The following SCYL1 variants were observed in gnomAD, a reference collection of about 807,000 sequenced individuals.
SCYL1 encodes SCY1 like pseudokinase 1.
A neutral mutation model predicts 94.8 loss-of-function variants in SCYL1; 85 were observed. The ratio of observed to expected loss-of-function variants is 0.90; its 90% CI spans 0.75 to 1.07. SCYL1 has a LOEUF of 1.07. SCYL1 is among the 50% of genes least tolerant of loss of function. The pLI is 0.00. For missense variants in SCYL1, 968 were observed against 1,083.3 expected (o/e 0.89, Z 1.49); for synonymous variants, 459 against 435.5 (o/e 1.05, Z -0.67).
chr11:65,536,267 G>A lies in SCYL1; in HGVS notation c.1584G>A (p.Lys528=), dbSNP rs779399742. 2 of 1,614,096 alleles carry A rather than the reference G, an allele frequency of 1.2e-6. No individual in the cohort carries two copies. Among genetic ancestry groups the A allele is most frequent in the South Asian group, 1.1e-5 (1 of 91,090 alleles). ...GCCTCGTTACCCCACAGGCCTTCAA[G>A]GCCATTCGGAGCTTCCTGTCCAAAT... The part of the protein sequence containing the change: ...PEKSVRDQAF[K]AIRSFLSKLE... Residue 528 remains lysine (K), a synonymous_variant, in exon 12 of 18, where the codon AAG becomes AAA. Transcript: ENST00000270176.
At chr11:65,534,080 A>G (rs551975135) in intron 9 of SCYL1, among the ~76,000 whole-genome samples, 1 of 151,462 alleles carries the variant, frequency 6.6e-6, no homozygotes, top group African/African-American at 2.4e-5. Flanking sequence ...TACAAAAACA[A>G]TCTAGCCGGG....
rs1318386049 is a variant in SCYL1 at position 65,525,302 on chromosome 11, G to A, written c.111+38G>A. 2.2e-6 allele frequency: 3 copies of A among 1,347,306 alleles called. No homozygotes were observed. The African/African-American group carries it at 4.7e-5, about 21-fold the overall frequency. 83.5% of individuals were successfully genotyped at this position (1,347,306 alleles called of 1,614,324 possible). ...GAGCTCCGTAGGCCGCGGTCGACCT[G>A]GGCCTTGCCTATTCCGCGCCGCCGA... On this transcript the variant is annotated intron_variant, in intron 1 of 17. Coordinates refer to ENST00000270176, the MANE Select transcript of SCYL1 (RefSeq NM_020680.4).
chr11:65,537,219 T>TGGCCTGTCCTC, intron 14 of SCYL1, 91 bp downstream of exon 14: 1 of 1,423,134 alleles, frequency 7.0e-7, no homozygotes, highest in South Asian at 1.2e-5. Context: ...TGGCTGGAGT[T>TGGCCTGTCCTC]GGCCTGTCCT....
chr11:65,527,726 C>T (rs925769194), intron 6 of SCYL1, among the ~76,000 whole-genome samples: 3 of 117,546 alleles, frequency 2.6e-5, no homozygotes, highest in Admixed American at 1.9e-4. Context: ...TGTGAGACTT[C>T]GTCTCAAAAA....
chr11:65,533,848 C>G (rs142741689), intron 9 of SCYL1, among the ~76,000 whole-genome samples: 2 of 151,708 alleles, frequency 1.3e-5, no homozygotes, highest in Admixed American at 1.3e-4. Context: ...TTTGGGAGGC[C>G]GAGGCGGGTG....
chr11:65,525,373 G>C, intron 1 of SCYL1, 109 bp downstream of exon 1: 3 of 1,080,034 alleles, frequency 2.8e-6, no homozygotes, highest in Non-Finnish European at 3.8e-6. Context: ...GAACCAAGGG[G>C]TAGCAGGCCG....
chr11:65,526,364 G>A lies in SCYL1; in HGVS notation c.602+14G>A, dbSNP rs1453761208. The A allele has an allele frequency of 6.3e-7, 1 of 1,575,426 alleles. No individual in the cohort carries two copies. Among genetic ancestry groups the A allele is most frequent in the Admixed American group, 1.7e-5 (1 of 57,944 alleles). On this transcript the variant is annotated intron_variant, in intron 4 of 17. Coordinates refer to ENST00000270176, the MANE Select transcript of SCYL1 (RefSeq NM_020680.4). This position sits in a 1 kb window ranked among gnomAD's most constrained non-coding sequence, Gnocchi z 4.1. ...CAGAGAGAAGTGGTGGGTGACTGGG[G>A]GCAGCGCGCCCCAACCTGCCCTGTC...
In SCYL1 at chr11:65,535,943, C is replaced by G. The variant is rs938428626; in HGVS notation, c.1387-10C>G. Reference sequence around the variant, plus strand: ...TACACTCAGGAGCCCTCTTTCCTGCCCCATCGTAGACCAGACACAGGGTCC... The same window carrying G: ...TACACTCAGGAGCCCTCTTTCCTGCGCCATCGTAGACCAGACACAGGGTCC... On this transcript the variant is annotated splice_polypyrimidine_tract_variant and intron_variant, in intron 10 of 17. Coordinates refer to ENST00000270176, the MANE Select transcript of SCYL1 (RefSeq NM_020680.4). The G allele has an allele frequency of 6.4e-7, 1 of 1,564,276 alleles. No homozygotes were observed.
chr11:65,527,268 A>G (rs1431261172), intron 6 of SCYL1, 151 bp downstream of exon 6: 1 of 802,184 alleles, frequency 1.2e-6, no homozygotes, highest in Non-Finnish European at 2.0e-6. Context: ...TCCAGCTCAT[A>G]CTTACTCTGT....
In SCYL1 at chr11:65,531,657, G is replaced by A; in HGVS notation, c.1090G>A (p.Ala364Thr). ...VVKMFSSTDRAMRIRLLQQME... is the reference protein window; with the variant it reads ...VVKMFSSTDRTMRIRLLQQME... ...CAAGATGTTCTCATCCACTGACCGG[G>A]CCATGCGCATCCGCCTCCTGCAGCA... Residue 364 changes from alanine (A) to threonine (T), a missense_variant, in exon 8 of 18, where the codon GCC becomes ACC. By Grantham distance (58) the Ala-to-Thr change is moderately conservative (BLOSUM62 0). Transcript: ENST00000270176. 16 of 1,613,748 alleles carry A rather than the reference G, an allele frequency of 9.9e-6. No homozygotes were observed. Among genetic ancestry groups the A allele is most frequent in the Non-Finnish European group, 1.4e-5 (16 of 1,179,752 alleles).
chr11:65,536,494 G>A (rs1481184659), intron 12 of SCYL1, 92 bp from the exon 13 acceptor site: 6 of 1,471,984 alleles, frequency 4.1e-6, no homozygotes, highest in Middle Eastern at 1.9e-4. Flanking sequence ...AGAAAGGAGG[G>A]GTGGCTGCAG....
intron 12 of SCYL1, 21 bp from the exon 13 acceptor site, chr11:65,536,565 C>G (rs1334099036): frequency 3.1e-6 from 5 of 1,613,492 alleles, no homozygotes; most frequent in South Asian, 1.1e-5. Flanking sequence ...ATACCCACCT[C>G]TCTCTCATGC....
In SCYL1 at chr11:65,526,938, C is replaced by T. The variant is rs867994495; in HGVS notation, c.694-24C>T. The T allele has an allele frequency of 6.2e-6, 10 of 1,610,352 alleles. No homozygotes were observed. Among genetic ancestry groups the T allele is most frequent in the Middle Eastern group, 1.7e-4 (1 of 6,052 alleles). The stretch of plus-strand genomic sequence containing the variant: ...CCTCTGCCAGCTGGCTACCCCTGCC[C>T]TGACACTGACCCCTCCCCTACAGAT... On this transcript the variant is annotated intron_variant, in intron 5 of 17. Coordinates refer to ENST00000270176, the MANE Select transcript of SCYL1 (RefSeq NM_020680.4). The surrounding 1 kb of genome is among the most constrained non-coding windows in gnomAD (Gnocchi z 4.1).
At chr11:65,532,964 G>C (rs1300785020) in intron 9 of SCYL1, 159 bp downstream of exon 9, 5 of 608,104 alleles carry the variant, frequency 8.2e-6, no homozygotes, top group African/African-American at 1.8e-5. Context: ...AGCTGGCGGG[G>C]GAGCACGTCC....
At position 65,538,257 on chromosome 11, in the gene SCYL1, C is replaced by T. The variant is rs1390992673; in HGVS notation, c.2248-13C>T. 1.3e-6 allele frequency: 2 copies of T among 1,553,746 alleles called. No individual in the cohort carries two copies. The highest frequency in any genetic ancestry group is 1.7e-6 in the Non-Finnish European group (2 of 1,148,246). On this transcript the variant is annotated splice_polypyrimidine_tract_variant and intron_variant, in intron 16 of 17. Transcript: ENST00000270176. Reference sequence around the variant, plus strand: ...GAAGTGGGCCCCACTGCAGCCCACACTTCTCTTTACAGCCGAGGCCAGACT... The same window carrying T: ...GAAGTGGGCCCCACTGCAGCCCACATTTCTCTTTACAGCCGAGGCCAGACT...
chr11:65,535,832 A>G (rs1855608954), intron 10 of SCYL1, 121 bp from the exon 11 acceptor site: 2 of 968,760 alleles, frequency 2.1e-6, no homozygotes, highest in Admixed American at 5.2e-5. Flanking sequence ...TAAGTGATTC[A>G]TTCATATTTT....
intron 6 of SCYL1, among the ~76,000 whole-genome samples, chr11:65,528,213 CG>C (rs1855187528): frequency 6.6e-6 from 1 of 152,034 alleles, no homozygotes; most frequent in African/African-American, 2.4e-5. Flanking sequence ...GAGGCTGAGG[CG>C]GGTGGATCAC....
At chr11:65,528,666 G>A (rs912882328) in intron 6 of SCYL1, among the ~76,000 whole-genome samples, 19 of 151,202 alleles carry the variant, frequency 1.3e-4, no homozygotes, top group Admixed American at 5.9e-4. Flanking sequence ...AGGCTGAGGC[G>A]GGAGAATAGC....
In SCYL1 at chr11:65,538,283, C is replaced by T. The variant is rs1193600398; in HGVS notation, c.2261C>T (p.Ser754Phe). Residue 754 changes from serine to phenylalanine, a missense_variant, in exon 17 of 18, where the codon TCT (serine) becomes TTT (phenylalanine). Physicochemically the swap from Ser to Phe is radical, Grantham distance 155. Transcript: ENST00000270176. The stretch of plus-strand genomic sequence containing the variant: ...TTCTCTTTACAGCCGAGGCCAGACT[C>T]TTGGGGTGAGGACAACTGGGAGGGC... ...ARPSTQPRPD[S>F]WGEDNWEGLE... The T allele has an allele frequency of 1.3e-6, 2 of 1,552,796 alleles. No homozygotes were observed. Among genetic ancestry groups the T allele is most frequent in the African/African-American group, 1.4e-5 (1 of 73,078 alleles).
Sources: allele counts gnomAD v4.1 joint callset (sites outside exome capture counted in the v4.1 genomes callset), GRCh38; gene constraint gnomAD v4.1.1; non-coding constraint Gnocchi (gnomAD v3.1); transcripts MANE v1.5; gene names NCBI Gene and HGNC (gene_info 2026-07-23, HGNC 2026-07-21).